DNAAF11: variants seen among roughly 807,000 people sequenced by gnomAD.
DNAAF11 encodes the protein dynein axonemal assembly factor 11, also known as leucine rich repeat containing 6.
Under a neutral mutation model 60.8 loss-of-function variants are expected in DNAAF11, and 45 were observed. That is an observed-to-expected ratio of 0.74 (90% CI 0.58 to 0.95). The LOEUF (loss-of-function observed/expected upper bound fraction) is 0.95, where lower values mean the gene tolerates loss of function less well. DNAAF11 is among the 40% of genes least tolerant of loss of function. DNAAF11 has a pLI of 0.00. For missense variants in DNAAF11, 546 were observed against 546.2 expected (o/e 1.00, Z 0.00); for synonymous variants, 191 against 183.5 (o/e 1.04, Z -0.33).
chr8:132,625,571 C>A, intron 5 of DNAAF11, 117 bp from the exon 6 acceptor site: 3 of 771,626 alleles, frequency 3.9e-6, no homozygotes, highest in Non-Finnish European at 6.0e-6. Context: ...CTTTGAATGA[C>A]AAAGTGACTC....
At chr8:132,681,318 C>CTTTTTTTTTT in the DNAAF11 span, among the ~76,000 whole-genome samples, 941 of 128,774 alleles carry the variant, frequency 7.3e-3, 4 homozygotes, top group African/African-American at 0.026. Flanking sequence ...CCAACCATTC[C>CTTTTTTTTTT]TTTTTTTTTT....
At chr8:132,662,315 G>C (rs535042257) in intron 1 of DNAAF11, among the ~76,000 whole-genome samples, 2 of 152,164 alleles carry the variant, frequency 1.3e-5, no homozygotes, top group South Asian at 4.1e-4. Context: ...TCAGCAGTAC[G>C]TGAGGAAGAC....
At chr8:132,588,870 G>A (rs913005873) in intron 10 of DNAAF11, among the ~76,000 whole-genome samples, 2 of 152,052 alleles carry the variant, frequency 1.3e-5, no homozygotes, top group African/African-American at 4.8e-5. Flanking sequence ...CATATGGCAG[G>A]AGTAGGAGCA....
the DNAAF11 span, among the ~76,000 whole-genome samples, chr8:132,681,080 G>A: frequency 7.6e-5 from 9 of 118,488 alleles, no homozygotes; most frequent in Admixed American, 1.0e-3. Flanking sequence ...GTGCAATCTC[G>A]GCTCACTGGA....
intron 10 of DNAAF11, among the ~76,000 whole-genome samples, chr8:132,587,965 A>G (rs1461703007): frequency 2.0e-5 from 3 of 152,152 alleles, no homozygotes; most frequent in African/African-American, 4.8e-5. Context: ...TTACATTCCG[A>G]GGCAGCACCT....
At chr8:132,576,350 A>C (rs1814748026) in intron 11 of DNAAF11, among the ~76,000 whole-genome samples, 1 of 152,206 alleles carries the variant, frequency 6.6e-6, no homozygotes, top group Non-Finnish European at 1.5e-5. Flanking sequence ...TGTGTCCTGG[A>C]GACTGAAAAT....
In DNAAF11 at chr8:132,583,677, G is replaced by T. The variant is rs757028380; in HGVS notation, c.1226+17C>A. ...GAACAATATAATACAGCTAAGGACA[G>T]TCTGGGAGGGTGGTACCTTGTATTT... On this transcript the variant is annotated intron_variant, in intron 11 of 11. Coordinates refer to ENST00000620350, the MANE Select transcript of DNAAF11 (RefSeq NM_012472.6). 25 of 1,601,250 alleles carry T rather than the reference G, an allele frequency of 1.6e-5. No homozygotes were observed. The highest frequency in any genetic ancestry group is 2.0e-5 in the Non-Finnish European group (23 of 1,168,500).
chr8:132,609,694 A>T (rs1818463929), intron 10 of DNAAF11, among the ~76,000 whole-genome samples: 1 of 152,184 alleles, frequency 6.6e-6, no homozygotes. Flanking sequence ...ATCTTATGGA[A>T]GAAAACCAGT....
chr8:132,687,583 C>T, the DNAAF11 span: 2 of 456,036 alleles, frequency 4.4e-6, no homozygotes, highest in African/African-American at 2.0e-5. Flanking sequence ...GTTGAGTTCT[C>T]ACCAGGTGCT....
At chr8:132,656,281 G>T (rs1823563339) in intron 3 of DNAAF11, among the ~76,000 whole-genome samples, 2 of 152,158 alleles carry the variant, frequency 1.3e-5, no homozygotes, top group South Asian at 4.1e-4. Context: ...AAACCACCTT[G>T]TATATACCCA....
At chr8:132,635,806 G>T (rs965945952) in intron 4 of DNAAF11, among the ~76,000 whole-genome samples, 1 of 152,154 alleles carries the variant, frequency 6.6e-6, no homozygotes, top group Non-Finnish European at 1.5e-5. Context: ...AATTATCCTG[G>T]AGCAGGTGGG....
intron 10 of DNAAF11, among the ~76,000 whole-genome samples, chr8:132,595,577 T>C (rs1816923335): frequency 6.6e-6 from 1 of 152,056 alleles, no homozygotes; most frequent in African/African-American, 2.4e-5. Context: ...AAAATTTACT[T>C]CTTTAAAAAA....
chr8:132,601,356 A>T (rs113415260), intron 10 of DNAAF11, among the ~76,000 whole-genome samples: 12,859 of 151,632 alleles, frequency 0.085, 714 homozygotes, highest in South Asian at 0.14. Flanking sequence ...ATTGTGGAAG[A>T]CAGTGTGGTG....
intron 3 of DNAAF11, among the ~76,000 whole-genome samples, chr8:132,654,630 G>A (rs1253770496): frequency 6.6e-6 from 1 of 151,042 alleles, no homozygotes; most frequent in Non-Finnish European, 1.5e-5. Context: ...AGAAAATGTG[G>A]GAAAGTCACA....
the DNAAF11 span, among the ~76,000 whole-genome samples, chr8:132,696,750 G>A: frequency 1.3e-5 from 2 of 152,168 alleles, no homozygotes; most frequent in African/African-American, 2.4e-5. Context: ...GAACTTGAAT[G>A]GAGCTGGAGG....
At chr8:132,603,024 C>A (rs528786366) in intron 10 of DNAAF11, among the ~76,000 whole-genome samples, 1 of 152,016 alleles carries the variant, frequency 6.6e-6, no homozygotes, top group Non-Finnish European at 1.5e-5. Context: ...AAAGTGAGAG[C>A]GATTTATTAG....
intron 10 of DNAAF11, among the ~76,000 whole-genome samples, chr8:132,606,809 T>C (rs916898776): frequency 6.6e-6 from 1 of 152,196 alleles, no homozygotes; most frequent in Admixed American, 6.5e-5. Flanking sequence ...TGGCCAAAAA[T>C]TTTTAGAAAT....
intron 3 of DNAAF11, among the ~76,000 whole-genome samples, chr8:132,640,569 C>T (rs1251410247): frequency 6.6e-6 from 1 of 152,072 alleles, no homozygotes; most frequent in Non-Finnish European, 1.5e-5. Context: ...TGGTTTTAGA[C>T]ATGAATTTGA....
At chr8:132,591,091 A>AGAGAAT (rs1353905294) in intron 10 of DNAAF11, among the ~76,000 whole-genome samples, 5 of 152,310 alleles carry the variant, frequency 3.3e-5, no homozygotes, top group African/African-American at 1.2e-4. Context: ...TTTTGTTAGG[A>AGAGAAT]GAGAATCAAA....
Sources: gnomAD v4.1 joint callset for allele counts (sites outside exome capture counted in the v4.1 genomes callset) on GRCh38, gnomAD v4.1.1 for gene constraint, MANE v1.5 for transcripts, NCBI Gene and HGNC (gene_info 2026-07-23, HGNC 2026-07-21) for gene names.